NCALD: variants seen among roughly 807,000 people sequenced by gnomAD.
NCALD encodes the protein neurocalcin delta.
A neutral mutation model predicts 18.6 loss-of-function variants in NCALD; 10 were observed. The observed-to-expected ratio is 0.54, with a 90% CI of 0.33 to 0.91. The LOEUF (loss-of-function observed/expected upper bound fraction) is 0.91, where lower values mean the gene tolerates loss of function less well. Among genes scored for constraint, NCALD ranks in the 40% least tolerant of loss-of-function variants. The probability of loss-of-function intolerance (pLI) is 0.03; values close to 1 mark genes in which losing one functional copy is unlikely to be tolerated. For missense variants in NCALD, 184 were observed against 247.6 expected (o/e 0.74, Z 1.72); for synonymous variants, 88 against 87.4 (o/e 1.01, Z -0.04).
At chr8:101,709,778 G>C (rs983901689) in intron 2 of NCALD, among the ~76,000 whole-genome samples, 3 of 152,318 alleles carry the variant, frequency 2.0e-5, no homozygotes, top group East Asian at 1.9e-4. Flanking sequence ...GAACTACGTT[G>C]GGCAGGAAGA....
intron 1 of NCALD, among the ~76,000 whole-genome samples, chr8:101,759,953 C>G (rs1026557448): frequency 6.6e-6 from 1 of 152,080 alleles, no homozygotes; most frequent in Non-Finnish European, 1.5e-5. Flanking sequence ...AGGGCAGTGG[C>G]GCTTGCATTT....
In NCALD at chr8:101,762,411, G is replaced by A. The variant is rs776269318; in HGVS notation, c.-20+28451C>T. Among the ~76,000 whole-genome samples the A allele has an allele frequency of 5.1e-4, 78 of 152,206 alleles. 2 individuals are homozygous for A. Among genetic ancestry groups the A allele is most frequent in the Admixed American group, 9.2e-4 (14 of 15,288 alleles). ...GTCTGGCTTGGCTTAAGAGACTTAG[G>A]AAAAGGCAAGAGGAACATAATATTA... On this transcript the variant is annotated intron_variant, in intron 1 of 3. Transcript: ENST00000220931.
intron 1 of NCALD, among the ~76,000 whole-genome samples, chr8:101,733,583 T>G (rs906299452): frequency 3.9e-5 from 6 of 152,198 alleles, no homozygotes; most frequent in African/African-American, 7.2e-5. Context: ...GGACTATTCA[T>G]CTGAATGAGA....
At chr8:101,956,786 T>C (rs982097562) in intron 2 of NCALD, among the ~76,000 whole-genome samples, 2 of 152,148 alleles carry the variant, frequency 1.3e-5, no homozygotes, top group African/African-American at 4.8e-5. Context: ...AGAACACCCT[T>C]CATAAGGCTG....
chr8:102,069,226 G>A (rs1824104621), intron 1 of NCALD, among the ~76,000 whole-genome samples: 1 of 151,820 alleles, frequency 6.6e-6, no homozygotes, highest in Non-Finnish European at 1.5e-5. Flanking sequence ...TATGTGAGGT[G>A]ATGGATATGT....
chr8:101,838,796 C>A (rs1044283422), intron 4 of NCALD, among the ~76,000 whole-genome samples: 2 of 152,202 alleles, frequency 1.3e-5, no homozygotes, highest in South Asian at 4.1e-4. Flanking sequence ...TTTCAGGGCA[C>A]TTTCATAGGA....
At chr8:101,692,714 G>A (rs897073018) in intron 3 of NCALD, 77 bp downstream of exon 3, 51 of 1,473,270 alleles carry the variant, frequency 3.5e-5, no homozygotes, top group African/African-American at 3.1e-4. Flanking sequence ...GGCCTCGAGT[G>A]GCACTTCCCA....
At chr8:101,894,938 G>A (rs1817094114) in intron 3 of NCALD, among the ~76,000 whole-genome samples, 1 of 150,832 alleles carries the variant, frequency 6.6e-6, no homozygotes, top group African/African-American at 2.5e-5. Context: ...AGAGGTACAA[G>A]GAGGAACTGG....
At chr8:101,872,411 T>G in intron 4 of NCALD, 1 of 1,325,486 alleles carries the variant, frequency 7.5e-7, no homozygotes, top group Non-Finnish European at 1.1e-6. Context: ...TCTTCGTATG[T>G]TGTCACCACT....
At chr8:102,065,256 C>G (rs16868991) in intron 1 of NCALD, among the ~76,000 whole-genome samples, 1 of 148,906 alleles carries the variant, frequency 6.7e-6, no homozygotes, top group Non-Finnish European at 1.5e-5. Context: ...AGTGAAGGCT[C>G]TTTTTTTTTT....
At chr8:102,123,503 A>C (rs1469713643) in intron 1 of NCALD, among the ~76,000 whole-genome samples, 1 of 150,690 alleles carries the variant, frequency 6.6e-6, no homozygotes, top group Non-Finnish European at 1.5e-5. Flanking sequence ...GGACAGGGAG[A>C]CCTCCTGCCC....
intron 2 of NCALD, among the ~76,000 whole-genome samples, chr8:102,004,532 T>C (rs1262466507): frequency 6.6e-6 from 1 of 151,128 alleles, no homozygotes; most frequent in Non-Finnish European, 1.5e-5. Context: ...AAAACTACTT[T>C]AAAGTTCATA....
At chr8:102,001,642 C>G (rs1821472992) in intron 2 of NCALD, among the ~76,000 whole-genome samples, 1 of 152,162 alleles carries the variant, frequency 6.6e-6, no homozygotes, top group African/African-American at 2.4e-5. Flanking sequence ...TCGGGTTACC[C>G]ACAAAGGGAA....
At chr8:101,916,022 C>T (rs1421416298) in intron 2 of NCALD, among the ~76,000 whole-genome samples, 2 of 152,116 alleles carry the variant, frequency 1.3e-5, no homozygotes, top group Admixed American at 1.3e-4. Flanking sequence ...AAAGAGAGTG[C>T]AGGTTGGGGT....
intron 2 of NCALD, among the ~76,000 whole-genome samples, chr8:101,941,366 C>T (rs1818949300): frequency 6.6e-6 from 1 of 152,238 alleles, no homozygotes; most frequent in Non-Finnish European, 1.5e-5. Context: ...TCCAAGGCCA[C>T]TGCGGATCTG....
chr8:101,875,132 TACC>T (rs1816177847), intron 4 of NCALD, among the ~76,000 whole-genome samples: 1 of 152,350 alleles, frequency 6.6e-6, no homozygotes, highest in African/African-American at 2.4e-5. Flanking sequence ...ACTTATTCTT[TACC>T]ACAACACTAT....
At chr8:101,923,830 T>C (rs1474571334) in intron 2 of NCALD, among the ~76,000 whole-genome samples, 2 of 152,252 alleles carry the variant, frequency 1.3e-5, no homozygotes, top group Non-Finnish European at 2.9e-5. Context: ...AAATAGAATA[T>C]GTAACATGGA....
intron 1 of NCALD, among the ~76,000 whole-genome samples, chr8:101,774,784 C>T (rs752986392): frequency 1.1e-4 from 16 of 152,182 alleles, no homozygotes; most frequent in Non-Finnish European, 2.4e-4. Flanking sequence ...CCTAGGTCAG[C>T]CTTGTTTGCA....
At chr8:101,921,331 ATATC>A (rs1369554738) in intron 2 of NCALD, among the ~76,000 whole-genome samples, 2 of 151,996 alleles carry the variant, frequency 1.3e-5, no homozygotes, top group Admixed American at 1.3e-4. Context: ...TAGGAATAAA[ATATC>A]AATAAATATG....
Sources: gnomAD v4.1 joint callset for allele counts (sites outside exome capture counted in the v4.1 genomes callset) on GRCh38, gnomAD v4.1.1 for gene constraint, MANE v1.5 for transcripts, NCBI Gene and HGNC (gene_info 2026-07-23, HGNC 2026-07-21) for gene names.